The following RAPGEF5 variants were observed in gnomAD, a reference collection of about 807,000 sequenced individuals.
The protein encoded by RAPGEF5 is Rap guanine nucleotide exchange factor 5.
In RAPGEF5, 65 loss-of-function variants were observed where a neutral mutation model predicts 125.2. The observed-to-expected ratio is 0.52, with a 90% CI of 0.43 to 0.64. The LOEUF (loss-of-function observed/expected upper bound fraction) is 0.64, where lower values mean the gene tolerates loss of function less well. Ranked by LOEUF, RAPGEF5 falls within the 30% of genes least tolerant of loss-of-function variation. The pLI is 0.00. For synonymous variants in RAPGEF5, 391 were observed against 385.9 expected, an observed-to-expected ratio of 1.01 and a Z score of -0.16; for missense variants, 958 against 1,048.1, an observed-to-expected ratio of 0.91 and a Z score of 1.19.
intron 22 of RAPGEF5, 44 bp downstream of exon 22, chr7:22,136,889 G>C: frequency 6.8e-7 from 1 of 1,464,572 alleles, no homozygotes; most frequent in South Asian, 1.2e-5. Context: ...CTAGACCCTA[G>C]CAATTATTTT....
chr7:22,323,967 C>T (rs943836822), intron 1 of RAPGEF5, among the ~76,000 whole-genome samples: 20 of 152,252 alleles, frequency 1.3e-4, no homozygotes, highest in African/African-American at 4.8e-4. Context: ...CAAAAATCAT[C>T]AACAGATGCT....
rs934869645 is a variant in RAPGEF5, at chr7:22,121,060, C to G, written c.*1346G>C. On this transcript the variant is annotated 3_prime_UTR_variant, in exon 26 of 26. Coordinates refer to ENST00000665637, the MANE Select transcript of RAPGEF5 (RefSeq NM_012294.5). The stretch of plus-strand genomic sequence containing the variant: ...TTTTAGCAAGGTGACAAGTATCTAG[C>G]AGGCAGGGGTGGATTTCATTATTTT... 6.6e-6 allele frequency: 1 copy of G among 152,028 alleles called. No individual in the cohort carries two copies. Among genetic ancestry groups the G allele is most frequent in the Non-Finnish European group, 1.5e-5 (1 of 68,020 alleles). The allele number at this position is 152,028 out of a possible 1,614,324, so 9.4% of individuals were successfully genotyped here.
At chr7:22,125,885 C>T (rs1782725845) in intron 24 of RAPGEF5, among the ~76,000 whole-genome samples, 1 of 152,174 alleles carries the variant, frequency 6.6e-6, no homozygotes, top group Admixed American at 6.5e-5. Flanking sequence ...AGGTGGCTCT[C>T]ACCTGTAATC....
intron 9 of RAPGEF5, among the ~76,000 whole-genome samples, chr7:22,210,807 A>T (rs1332391196): frequency 6.6e-6 from 1 of 151,918 alleles, no homozygotes; most frequent in African/African-American, 2.4e-5. Context: ...ATTTTTTTTT[A>T]AATGTAGGAG....
chr7:22,236,352 A>G (rs1310973967), intron 7 of RAPGEF5, among the ~76,000 whole-genome samples: 1 of 152,150 alleles, frequency 6.6e-6, no homozygotes, highest in East Asian at 1.9e-4. Context: ...CACGAGTTGA[A>G]TATTTTCATT....
intron 5 of RAPGEF5, among the ~76,000 whole-genome samples, chr7:22,302,383 A>G (rs1195644640): frequency 6.6e-6 from 1 of 152,164 alleles, no homozygotes; most frequent in Non-Finnish European, 1.5e-5. Flanking sequence ...GCCAACAGAC[A>G]TCTAGGAAGG....
intron 11 of RAPGEF5, among the ~76,000 whole-genome samples, chr7:22,189,850 C>T (rs560064013): frequency 6.6e-5 from 10 of 152,210 alleles, no homozygotes; most frequent in African/African-American, 2.2e-4. Context: ...AGTGTTATTG[C>T]TAACTTAGTA....
intron 1 of RAPGEF5, among the ~76,000 whole-genome samples, chr7:22,353,992 G>C (rs1376471756): frequency 6.6e-6 from 1 of 152,104 alleles, no homozygotes; most frequent in Non-Finnish European, 1.5e-5. Flanking sequence ...GACCGCTTGA[G>C]CCAGAAGGTC....
chr7:22,227,988 G>A (rs993334757), intron 8 of RAPGEF5, among the ~76,000 whole-genome samples: 1 of 152,182 alleles, frequency 6.6e-6, no homozygotes, highest in East Asian at 1.9e-4. Context: ...AATATTTTGT[G>A]TCTGCAAAGA....
At chr7:22,286,173 A>C (rs554570469) in intron 6 of RAPGEF5, among the ~76,000 whole-genome samples, 208 of 152,062 alleles carry the variant, frequency 1.4e-3, no homozygotes, top group South Asian at 5.6e-3. Flanking sequence ...ATTCCCCCCC[A>C]CCACCACCGG....
At chr7:22,324,610 A>G (rs1344519672) in intron 1 of RAPGEF5, among the ~76,000 whole-genome samples, 1 of 152,230 alleles carries the variant, frequency 6.6e-6, no homozygotes, top group Non-Finnish European at 1.5e-5. Flanking sequence ...GGTTCTTTAA[A>G]AAAAGAATAA....
At chr7:22,135,335 T>C (rs1481609563) in intron 23 of RAPGEF5, among the ~76,000 whole-genome samples, 3 of 152,148 alleles carry the variant, frequency 2.0e-5, no homozygotes, top group African/African-American at 4.8e-5. Flanking sequence ...AGCATACAGG[T>C]AAAGATTTAC....
chr7:22,318,825 A>G (rs531422560), intron 1 of RAPGEF5, among the ~76,000 whole-genome samples: 1 of 152,132 alleles, frequency 6.6e-6, no homozygotes, highest in African/African-American at 2.4e-5. Flanking sequence ...TTTTGCTACT[A>G]TTCAGGTGCA....
chr7:22,235,479 C>T (rs976876994), intron 7 of RAPGEF5, among the ~76,000 whole-genome samples: 11 of 152,072 alleles, frequency 7.2e-5, no homozygotes, highest in Admixed American at 1.3e-4. Flanking sequence ...GGTTTCTTTT[C>T]CCTCTTAATG....
chr7:22,335,564 G>A (rs1446181819), intron 1 of RAPGEF5, among the ~76,000 whole-genome samples: 1 of 151,854 alleles, frequency 6.6e-6, no homozygotes, highest in Non-Finnish European at 1.5e-5. Flanking sequence ...ACAAGGTGGG[G>A]TGGGTGGGGC....
At chr7:22,340,963 G>C (rs146035357) in intron 1 of RAPGEF5, among the ~76,000 whole-genome samples, 58 of 152,314 alleles carry the variant, frequency 3.8e-4, no homozygotes, top group African/African-American at 1.3e-3. Context: ...GCCACACTGA[G>C]TAACACGAGG....
intron 1 of RAPGEF5, among the ~76,000 whole-genome samples, chr7:22,334,850 T>C (rs2128158432): frequency 1.3e-5 from 2 of 152,308 alleles, no homozygotes; most frequent in Middle Eastern, 6.8e-3. Flanking sequence ...TCTACATTCT[T>C]CCTATCCTTC....
intron 7 of RAPGEF5, among the ~76,000 whole-genome samples, chr7:22,265,759 A>G (rs1362911145): frequency 1.3e-5 from 2 of 152,028 alleles, no homozygotes; most frequent in Non-Finnish European, 2.9e-5. Context: ...TGTGTTTTTG[A>G]TAACAGCCAT....
intron 7 of RAPGEF5, among the ~76,000 whole-genome samples, chr7:22,233,886 T>G (rs867068264): frequency 1.8e-4 from 28 of 152,310 alleles, no homozygotes; most frequent in Non-Finnish European, 2.9e-5. Context: ...TGCCTAGCAT[T>G]ACGCCAAAAC....
Sources: gnomAD v4.1 joint callset for allele counts (sites outside exome capture counted in the v4.1 genomes callset) on GRCh38, gnomAD v4.1.1 for gene constraint, MANE v1.5 for transcripts, NCBI Gene and HGNC (gene_info 2026-07-23, HGNC 2026-07-21) for gene names.